The following KIF26B variants were observed in gnomAD, a reference collection of about 807,000 sequenced individuals.
KIF26B encodes kinesin family member 26B, also known as kinesin-like protein KIF26B.
In KIF26B, 63 loss-of-function variants were observed where a neutral mutation model predicts 151.2. The observed-to-expected ratio is 0.42, with a 90% CI of 0.34 to 0.51. KIF26B has a LOEUF of 0.51. Ranked by LOEUF, KIF26B falls within the 20% of genes least tolerant of loss-of-function variation. The pLI, the probability that KIF26B is intolerant of heterozygous loss-of-function variation, is 0.07. For synonymous variants in KIF26B, 1,357 were observed against 1,262.1 expected (o/e 1.08, Z -1.59); for missense variants, 2,813 against 2,913.6 (o/e 0.97, Z 0.79).
chr1:245,504,857 C>T (rs151281490), intron 4 of KIF26B, among the ~76,000 whole-genome samples: 28 of 152,210 alleles, frequency 1.8e-4, no homozygotes, highest in African/African-American at 6.5e-4. Flanking sequence ...AAAATTTTAA[C>T]GAATTTTAAA....
In KIF26B at chr1:245,366,830, G is replaced by T; in HGVS notation, c.466-4G>T. 2 of 1,613,642 alleles carry T rather than the reference G, an allele frequency of 1.2e-6. No individual in the cohort carries two copies. The highest frequency in any genetic ancestry group is 1.7e-6 in the Non-Finnish European group (2 of 1,179,678). ...TCCTCTCCCTCTGCTTCTGTGTTCTGTAGGACCCTGCTTTCTCGGCTGTGA... is the reference window on the plus strand; with the variant it reads ...TCCTCTCCCTCTGCTTCTGTGTTCTTTAGGACCCTGCTTTCTCGGCTGTGA... On this transcript the variant is annotated splice_region_variant and splice_polypyrimidine_tract_variant and intron_variant, in intron 2 of 14. Coordinates refer to ENST00000407071, the MANE Select transcript of KIF26B (RefSeq NM_018012.4).
intron 2 of KIF26B, among the ~76,000 whole-genome samples, chr1:245,164,241 G>A (rs1469271912): frequency 6.6e-6 from 1 of 152,102 alleles, no homozygotes; most frequent in Non-Finnish European, 1.5e-5. Context: ...TTAATATTGT[G>A]AGTTATTATT....
At chr1:245,186,935 C>G (rs1314203727) in intron 2 of KIF26B, among the ~76,000 whole-genome samples, 2 of 152,152 alleles carry the variant, frequency 1.3e-5, no homozygotes, top group East Asian at 1.9e-4. Context: ...TGGCTCACTG[C>G]AACTTCCACC....
In KIF26B at chr1:245,367,191, A is replaced by C. The variant is rs1341075732; in HGVS notation, c.823A>C (p.Asn275His). The C allele has an allele frequency of 5.0e-6, 8 of 1,608,572 alleles. No homozygotes were observed. Among genetic ancestry groups the C allele is most frequent in the Non-Finnish European group, 5.9e-6 (7 of 1,177,676 alleles). The change falls in exon 3 of 15, where the codon AAT becomes CAT. Residue 275 changes from asparagine to histidine, a missense_variant. By Grantham distance (68) the Asn-to-His change is moderately conservative. Around this residue, in one of 3 missense-constraint regions of KIF26B, gnomAD observed 676 missense variants for 688.1 expected, o/e 0.98. Transcript: ENST00000407071. The surrounding 1 kb of genome is among the most constrained non-coding windows in gnomAD (Gnocchi z 4.2). ...CAAACCCAGCAGCCTTGGGGTCAGC[A>C]ATGGGGCGGAAAAGAAGAGCGGGTC... ...GSKPSSLGVS[N>H]GAEKKSGSPT...
At chr1:245,178,118 A>G (rs1668841877) in intron 2 of KIF26B, among the ~76,000 whole-genome samples, 1 of 152,186 alleles carries the variant, frequency 6.6e-6, no homozygotes, top group African/African-American at 2.4e-5. Flanking sequence ...TCTGACTGTC[A>G]CTGCTTTGTT....
chr1:245,539,727 A>C (rs1017451049), intron 4 of KIF26B, among the ~76,000 whole-genome samples: 1 of 152,186 alleles, frequency 6.6e-6, no homozygotes, highest in Non-Finnish European at 1.5e-5. Context: ...ATCTGGGCTC[A>C]CTGCAACCTC....
rs768711496 is a variant in KIF26B, at chr1:245,482,330, C to T, written c.1167-58437C>T. Among the ~76,000 whole-genome samples the T allele has an allele frequency of 6.6e-5, 10 of 151,816 alleles. 1 individual carries two copies. Among genetic ancestry groups the T allele is most frequent in the Non-Finnish European group, 1.3e-4 (9 of 67,814 alleles). The stretch of plus-strand genomic sequence containing the variant: ...GTCTCGAACTCCTGACCTCGTGATC[C>T]TCCCGCCTCAGCCTCCCAAAGTGCT... On this transcript the variant is annotated intron_variant, in intron 4 of 14. Transcript: ENST00000407071.
At chr1:245,694,365 C>T (rs2044662906) in intron 12 of KIF26B, among the ~76,000 whole-genome samples, 3 of 152,198 alleles carry the variant, frequency 2.0e-5, no homozygotes, top group African/African-American at 2.4e-5. Flanking sequence ...TTCCTAGTGC[C>T]TACTCTTTGA....
At chr1:245,344,829 A>G (rs1672413715) in intron 2 of KIF26B, among the ~76,000 whole-genome samples, 1 of 151,656 alleles carries the variant, frequency 6.6e-6, no homozygotes, top group Non-Finnish European at 1.5e-5. Flanking sequence ...TCCCTTGACA[A>G]CTTGACTTTT....
chr1:245,393,868 T>A (rs1027485526), intron 3 of KIF26B, among the ~76,000 whole-genome samples: 1 of 152,172 alleles, frequency 6.6e-6, no homozygotes, highest in African/African-American at 2.4e-5. Context: ...GGTGTTATTC[T>A]CTCCAAGAAC....
intron 4 of KIF26B, among the ~76,000 whole-genome samples, chr1:245,471,516 A>G (rs994595811): frequency 7.1e-6 from 1 of 140,220 alleles, no homozygotes; most frequent in Non-Finnish European, 1.6e-5. Context: ...AATTATGTTG[A>G]CAACTGCTGT....
At chr1:245,531,986 C>T (rs547693981) in intron 4 of KIF26B, among the ~76,000 whole-genome samples, 178 of 152,104 alleles carry the variant, frequency 1.2e-3, no homozygotes, top group African/African-American at 4.2e-3. Context: ...CTGTAGTCCT[C>T]GCTACTCTCT....
At chr1:245,382,678 C>G (rs1241680216) in intron 3 of KIF26B, among the ~76,000 whole-genome samples, 2 of 152,044 alleles carry the variant, frequency 1.3e-5, no homozygotes, top group African/African-American at 2.4e-5. Context: ...AAGCGATTCT[C>G]CTGCCTCAGC....
At position 245,598,167 on chromosome 1, in the gene KIF26B, A is replaced by T. The variant is rs78917112; in HGVS notation, c.1351-4410A>T. Among the ~76,000 whole-genome samples the T allele has an allele frequency of 4.0e-3, 608 of 152,136 alleles. 8 individuals are homozygous for T. Among genetic ancestry groups the T allele is most frequent in the African/African-American group, 0.014 (587 of 41,502 alleles). On this transcript the variant is annotated intron_variant, in intron 5 of 14. Coordinates refer to ENST00000407071, the MANE Select transcript of KIF26B (RefSeq NM_018012.4). Reference sequence around the variant, plus strand: ...AGCCTAGAACCTTGTAGGGGTAAAAACTATTTATCATCACCTACACACTCT... The same window carrying T: ...AGCCTAGAACCTTGTAGGGGTAAAATCTATTTATCATCACCTACACACTCT...
At chr1:245,701,905 G>A (rs1013845812) in intron 14 of KIF26B, among the ~76,000 whole-genome samples, 1 of 152,190 alleles carries the variant, frequency 6.6e-6, no homozygotes, top group Admixed American at 6.5e-5. Context: ...CAAAGCAGGG[G>A]ACTTGATGCC....
intron 3 of KIF26B, among the ~76,000 whole-genome samples, chr1:245,402,082 G>A (rs1405779327): frequency 1.3e-5 from 2 of 152,166 alleles, no homozygotes; most frequent in African/African-American, 2.4e-5. Context: ...GCAGTAGGGT[G>A]AGGCTGGGCT....
At position 245,702,771 on chromosome 1, in the gene KIF26B, T is replaced by C. The variant is rs2044789821; in HGVS notation, c.*165T>C. 2 of 739,958 alleles carry C rather than the reference T, an allele frequency of 2.7e-6. No homozygotes were observed. The highest frequency in any genetic ancestry group is 1.7e-5 in the African/African-American group (1 of 57,254). The allele number at this position is 739,958 out of a possible 1,614,324, so 45.8% of individuals were successfully genotyped here. A position where few individuals can be genotyped will look rare whatever the true frequency, so the allele number is the denominator to read the frequency against. ...GCGGAAGGCGAGTTTTCTTTTGTTT[T>C]CTGTAGGAAAGGTGCAAACGTCAAA... On this transcript the variant is annotated 3_prime_UTR_variant, in exon 15 of 15. Transcript: ENST00000407071. This position sits in a 1 kb window ranked among gnomAD's most constrained non-coding sequence, Gnocchi z 4.1.
chr1:245,173,530 C>A (rs1176495600), intron 2 of KIF26B, among the ~76,000 whole-genome samples: 1 of 152,128 alleles, frequency 6.6e-6, no homozygotes, highest in African/African-American at 2.4e-5. Context: ...CAAGCAGTCT[C>A]ACGTTTGATC....
Position 245,508,476 on chromosome 1 carries a change from G to A in KIF26B, c.1167-32291G>A, listed in dbSNP as rs1194607606. Among the ~76,000 whole-genome samples the A allele has an allele frequency of 4.6e-5, 7 of 151,928 alleles. No individual in the cohort carries two copies. The East Asian group carries it at 9.7e-4, about 21-fold the overall frequency. On this transcript the variant is annotated intron_variant, in intron 4 of 14. Coordinates refer to ENST00000407071, the MANE Select transcript of KIF26B (RefSeq NM_018012.4). ...AGGATGGTCTCGATCTCCTTACCTC[G>A]TGATCCTCCCGCCTCAACCTCCCCA... is the stretch of plus-strand genomic sequence containing the variant.
Sources: allele counts gnomAD v4.1 joint callset (sites outside exome capture counted in the v4.1 genomes callset), GRCh38; gene constraint gnomAD v4.1.1; regional missense constraint gnomAD v4.1.1; non-coding constraint Gnocchi (gnomAD v3.1); transcripts MANE v1.5; gene names NCBI Gene and HGNC (gene_info 2026-07-23, HGNC 2026-07-21).